ZMAT4: variants seen among roughly 807,000 people sequenced by gnomAD.
ZMAT4 encodes the protein zinc finger matrin-type protein 4.
Under a neutral mutation model 28.7 loss-of-function variants are expected in ZMAT4, and 17 were observed. The observed-to-expected ratio is 0.59, with a 90% CI of 0.41 to 0.89. The LOEUF (loss-of-function observed/expected upper bound fraction) is 0.89. Ranked by LOEUF, ZMAT4 falls within the 40% of genes least tolerant of loss-of-function variation. ZMAT4 has a pLI of 0.00. For missense variants in ZMAT4, 240 were observed against 283.8 expected, an observed-to-expected ratio of 0.85 and a Z score of 1.11; for synonymous variants, 117 against 109.2, an observed-to-expected ratio of 1.07 and a Z score of -0.44.
chr8:40,864,334 G>A lies in ZMAT4; in HGVS notation c.-5+33349C>T, dbSNP rs73619273. On this transcript the variant is annotated intron_variant, in intron 1 of 6. Coordinates refer to ENST00000297737, the MANE Select transcript of ZMAT4 (RefSeq NM_024645.3). ...CAGATCTGATATTAATATGTCACTA[G>A]AACTTTGCATAAATGAAAGCATTTT... Among the ~76,000 whole-genome samples, 1,023 of 152,282 alleles carry A rather than the reference G, an allele frequency of 6.7e-3. 13 individuals are homozygous for A. The highest frequency in any genetic ancestry group is 0.024 in the African/African-American group (984 of 41,550).
intron 2 of ZMAT4, among the ~76,000 whole-genome samples, chr8:40,793,220 T>A (rs1337267722): frequency 6.6e-6 from 1 of 152,222 alleles, no homozygotes; most frequent in Non-Finnish European, 1.5e-5. Context: ...TTCGCTCAAT[T>A]TTTTGTAAAC....
chr8:40,731,002 G>T (rs1811513551), intron 3 of ZMAT4, among the ~76,000 whole-genome samples: 1 of 152,082 alleles, frequency 6.6e-6, no homozygotes, highest in Admixed American at 6.6e-5. Context: ...TGGGTTCCTG[G>T]AGCAACCTAC....
At chr8:40,687,042 C>T (rs560184222) in intron 4 of ZMAT4, among the ~76,000 whole-genome samples, 29 of 152,146 alleles carry the variant, frequency 1.9e-4, no homozygotes, top group African/African-American at 6.3e-4. Flanking sequence ...TGTAGCTGGT[C>T]GTAAGTTTGC....
intron 6 of ZMAT4, among the ~76,000 whole-genome samples, chr8:40,551,815 G>A (rs1426996596): frequency 1.3e-5 from 2 of 152,174 alleles, no homozygotes; most frequent in African/African-American, 4.8e-5. Context: ...TTTCAGAAAT[G>A]AAAGTTGTGG....
At chr8:40,735,199 T>C (rs1811711007) in intron 3 of ZMAT4, among the ~76,000 whole-genome samples, 1 of 152,222 alleles carries the variant, frequency 6.6e-6, no homozygotes, top group Admixed American at 6.5e-5. Context: ...GAGGAATCTT[T>C]GGTGGTAATA....
rs538526804 is a variant in ZMAT4, at chr8:40,610,067, A to C, written c.578-28806T>G. On this transcript the variant is annotated intron_variant, in intron 5 of 6. Coordinates refer to ENST00000297737, the MANE Select transcript of ZMAT4 (RefSeq NM_024645.3). The stretch of plus-strand genomic sequence containing the variant: ...ACAGATTCTAATTGGTGAATGCTAC[A>C]TAGTTTATTTCAATAATATAAACAA... 4.8e-4 allele frequency among the ~76,000 whole-genome samples: 73 copies of C among 152,368 alleles called. 1 individual carries two copies. The highest frequency in any genetic ancestry group is 9.1e-4 in the Non-Finnish European group (62 of 68,038).
At chr8:40,567,512 C>T (rs190782531) in intron 6 of ZMAT4, among the ~76,000 whole-genome samples, 30 of 152,062 alleles carry the variant, frequency 2.0e-4, no homozygotes, top group African/African-American at 6.7e-4. Context: ...GGGCAGGTCA[C>T]CTGAGGTCAG....
chr8:40,688,149 C>A (rs1047544841), intron 4 of ZMAT4, among the ~76,000 whole-genome samples: 2 of 152,106 alleles, frequency 1.3e-5, no homozygotes, highest in Admixed American at 6.5e-5. Context: ...ACACCACCAC[C>A]ACAACAAATT....
intron 1 of ZMAT4, among the ~76,000 whole-genome samples, chr8:40,878,846 A>G (rs1006589961): frequency 6.6e-6 from 1 of 152,122 alleles, no homozygotes; most frequent in Non-Finnish European, 1.5e-5. Flanking sequence ...CCAGCATCCC[A>G]GGCATCTCCA....
At chr8:40,679,387 C>T (rs930618839) in intron 4 of ZMAT4, among the ~76,000 whole-genome samples, 13 of 152,146 alleles carry the variant, frequency 8.5e-5, no homozygotes, top group Non-Finnish European at 8.8e-5. Context: ...TAAAGACATA[C>T]CTGAGACTGG....
intron 3 of ZMAT4, among the ~76,000 whole-genome samples, chr8:40,731,135 T>C (rs1037290455): frequency 1.4e-5 from 2 of 146,742 alleles, no homozygotes; most frequent in Admixed American, 1.4e-4. Flanking sequence ...GGGACACTAT[T>C]GTTGCACCTC....
At chr8:40,802,014 A>G (rs888234663) in intron 2 of ZMAT4, among the ~76,000 whole-genome samples, 1 of 152,214 alleles carries the variant, frequency 6.6e-6, no homozygotes, top group Non-Finnish European at 1.5e-5. Context: ...AAAACATTTG[A>G]CAAAATCCAA....
intron 5 of ZMAT4, among the ~76,000 whole-genome samples, chr8:40,661,321 A>AG (rs1296514527): frequency 6.6e-6 from 1 of 152,186 alleles, no homozygotes; most frequent in Admixed American, 6.5e-5. Context: ...GCTGGTCTTG[A>AG]ACTCTTGACC....
intron 5 of ZMAT4, 53 bp downstream of exon 5, chr8:40,674,650 AT>A: frequency 7.0e-7 from 1 of 1,426,374 alleles, no homozygotes; most frequent in South Asian, 1.2e-5. Flanking sequence ...TGAAAGCCGC[AT>A]CTTTTCTCTG....
intron 1 of ZMAT4, among the ~76,000 whole-genome samples, chr8:40,873,523 G>A (rs1292699993): frequency 9.9e-5 from 15 of 152,100 alleles, no homozygotes; most frequent in Admixed American, 9.8e-4. Flanking sequence ...TGGTGCATGG[G>A]TCCCTTGTTT....
intron 5 of ZMAT4, among the ~76,000 whole-genome samples, chr8:40,625,018 C>G (rs1806320767): frequency 6.6e-6 from 1 of 152,144 alleles, no homozygotes; most frequent in Non-Finnish European, 1.5e-5. Context: ...GGGCAGTGCT[C>G]CTTATCCAGA....
chr8:40,546,300 C>CA (rs991474050), intron 6 of ZMAT4, among the ~76,000 whole-genome samples: 1,911 of 66,718 alleles, frequency 0.029, 39 homozygotes, highest in African/African-American at 0.082. Flanking sequence ...ATCACTTGAA[C>CA]AAAAAAAAAA....
chr8:40,688,659 G>A (rs1809527873), intron 4 of ZMAT4, among the ~76,000 whole-genome samples: 1 of 152,038 alleles, frequency 6.6e-6, no homozygotes, highest in Non-Finnish European at 1.5e-5. Context: ...CTACACAAGA[G>A]AAACAACTTC....
intron 1 of ZMAT4, among the ~76,000 whole-genome samples, chr8:40,855,339 G>T (rs141396071): frequency 4.9e-4 from 75 of 152,124 alleles, no homozygotes; most frequent in African/African-American, 1.6e-3. Flanking sequence ...CCTGCTTTTG[G>T]CCCTAGTGCC....
Sources: allele counts gnomAD v4.1 joint callset (sites outside exome capture counted in the v4.1 genomes callset), GRCh38; gene constraint gnomAD v4.1.1; transcripts MANE v1.5; gene names NCBI Gene and HGNC (gene_info 2026-07-23, HGNC 2026-07-21).